Variants in RBPJ observed in about 807,000 individuals in gnomAD.
RBPJ encodes the protein recombining binding protein suppressor of hairless.
A neutral mutation model predicts 67.8 loss-of-function variants in RBPJ; 9 were observed. The observed-to-expected ratio is 0.13, with a 90% CI of 0.08 to 0.23. RBPJ has a LOEUF of 0.23. Ranked by LOEUF, RBPJ falls within the 10% of genes least tolerant of loss-of-function variation. RBPJ has a pLI of 1.00. For missense variants in RBPJ, 305 were observed against 595.6 expected (o/e 0.51, Z 5.08); for synonymous variants, 198 against 203.3 (o/e 0.97, Z 0.22).
At chr4:26,386,206 A>G (rs558605473) in intron 1 of RBPJ, 147 bp from the exon 2 acceptor site, 81 of 605,362 alleles carry the variant, frequency 1.3e-4, no homozygotes, top group African/African-American at 1.1e-3. Flanking sequence ...TGGGATACAG[A>G]TGCTTACCAG....
chr4:26,260,989 A>G (rs796923103), intron 1 of RBPJ, among the ~76,000 whole-genome samples: 4 of 152,350 alleles, frequency 2.6e-5, no homozygotes, highest in African/African-American at 9.6e-5. Context: ...AACATGACCA[A>G]TGTTATACTC....
chr4:26,339,698 G>A lies in RBPJ; in HGVS notation c.20+18650G>A, dbSNP rs1476813139. The stretch of plus-strand genomic sequence containing the variant: ...TGTGTAAAAGTAACACTCCAAATCA[G>A]TGAGAAAAAGAGCATTCAAAAAGTT... On this transcript the variant is annotated intron_variant, in intron 1 of 10. Transcript: ENST00000355476. 4.0e-5 allele frequency among the ~76,000 whole-genome samples: 6 copies of A among 151,562 alleles called. No homozygotes were observed. The East Asian group carries it at 1.2e-3, about 30-fold the overall frequency.
intron 1 of RBPJ, among the ~76,000 whole-genome samples, chr4:26,301,453 G>A (rs577509943): frequency 2.6e-5 from 4 of 151,976 alleles, no homozygotes; most frequent in East Asian, 3.9e-4. Flanking sequence ...TTAGCCGGGC[G>A]TGGTGGCGGG....
At chr4:26,198,261 CAAAAAAACAAAA>C (rs972460892) in intron 1 of RBPJ, among the ~76,000 whole-genome samples, 1 of 19,698 alleles carries the variant, frequency 5.1e-5, no homozygotes, top group Non-Finnish European at 9.1e-5. Context: ...TCTCAAAAAA[CAAAAAAACAAAA>C]AAACAAAAAA....
the RBPJ span, among the ~76,000 whole-genome samples, chr4:26,109,103 CTTTTT>C: frequency 1.9e-3 from 250 of 129,998 alleles, 2 homozygotes; most frequent in African/African-American, 3.9e-3. Flanking sequence ...TTGCCTTCCT[CTTTTT>C]TTTTTTTTTT....
intron 1 of RBPJ, among the ~76,000 whole-genome samples, chr4:26,262,872 C>A (rs769975766): frequency 2.6e-5 from 4 of 152,148 alleles, no homozygotes; most frequent in African/African-American, 4.8e-5. Flanking sequence ...GCTCTTCTTC[C>A]AGCCCTATAA....
chr4:26,288,052 T>A (rs1202897432), intron 1 of RBPJ, among the ~76,000 whole-genome samples: 1 of 152,214 alleles, frequency 6.6e-6, no homozygotes, highest in Non-Finnish European at 1.5e-5. Context: ...GGGAAGAGTA[T>A]AAAGTCTGAT....
chr4:26,260,753 T>G (rs1720498881), intron 1 of RBPJ, among the ~76,000 whole-genome samples: 1 of 152,168 alleles, frequency 6.6e-6, no homozygotes, highest in African/African-American at 2.4e-5. Flanking sequence ...CATCTCTGCC[T>G]AACCAGAAAA....
chr4:26,386,154 A>C (rs761898749), intron 1 of RBPJ, among the ~76,000 whole-genome samples, 199 bp from the exon 2 acceptor site: 83 of 152,142 alleles, frequency 5.5e-4, no homozygotes, highest in Non-Finnish European at 1.0e-3. Context: ...AGGCTTACTT[A>C]GGGCATGTTG....
chr4:26,173,534 T>C lies in RBPJ; in HGVS notation c.-167+9920T>C, dbSNP rs938838730. Among the ~76,000 whole-genome samples the C allele has an allele frequency of 2.6e-5, 4 of 152,162 alleles. No homozygotes were observed. In the South Asian group the frequency reaches 8.3e-4, roughly 31 times the overall value. The stretch of plus-strand genomic sequence containing the variant: ...TTTGGAGAAAGCTGAAAACCAACAC[T>C]GACCTATGTGAAATTTTATTTACGT... On this transcript the variant is annotated intron_variant, in intron 1 of 4. Coordinates refer to the RBPJ transcript ENST00000512351.
the RBPJ span, among the ~76,000 whole-genome samples, chr4:26,125,504 A>T: frequency 2.0e-5 from 3 of 152,266 alleles, no homozygotes; most frequent in East Asian, 5.8e-4. Flanking sequence ...CAGGGAGAAA[A>T]ATGGCCCTCT....
At chr4:26,125,864 A>T in the RBPJ span, among the ~76,000 whole-genome samples, 1 of 152,092 alleles carries the variant, frequency 6.6e-6, no homozygotes, top group East Asian at 1.9e-4. Flanking sequence ...GGATTATAGG[A>T]TGCCTGAGGA....
chr4:26,217,858 G>C (rs888514108), intron 1 of RBPJ, among the ~76,000 whole-genome samples: 3 of 152,160 alleles, frequency 2.0e-5, no homozygotes, highest in African/African-American at 2.4e-5. Context: ...CTGCGAAACA[G>C]GTCTTTAGAT....
At chr4:26,341,552 T>G (rs972473056) in intron 1 of RBPJ, among the ~76,000 whole-genome samples, 8 of 151,770 alleles carry the variant, frequency 5.3e-5, no homozygotes, top group Non-Finnish European at 1.0e-4. Flanking sequence ...AGGTGGAGGT[T>G]GCAGTGAGCC....
At chr4:26,203,000 AGGAAGGAAAAAAG>A (rs758773578) in intron 1 of RBPJ, among the ~76,000 whole-genome samples, 31 of 147,160 alleles carry the variant, frequency 2.1e-4, no homozygotes, top group Non-Finnish European at 2.9e-4. Context: ...GAAGGAAGGA[AGGAAGGAAAAAAG>A]AAAAGAAAAG....
At chr4:26,340,435 G>C (rs1725385805) in intron 1 of RBPJ, among the ~76,000 whole-genome samples, 1 of 152,230 alleles carries the variant, frequency 6.6e-6, no homozygotes, top group African/African-American at 2.4e-5. Flanking sequence ...TTTATTTTGA[G>C]ATGAGTAGCT....
chr4:26,153,749 A>G, the RBPJ span, among the ~76,000 whole-genome samples: 1 of 152,182 alleles, frequency 6.6e-6, no homozygotes, highest in Non-Finnish European at 1.5e-5. Flanking sequence ...GTTTTTCTGC[A>G]GTGTTAACAT....
chr4:26,178,245 C>G (rs899897512), intron 1 of RBPJ, among the ~76,000 whole-genome samples: 2 of 152,090 alleles, frequency 1.3e-5, no homozygotes, highest in Admixed American at 6.6e-5. Context: ...TTCCAGAGGC[C>G]CCAGCAACCG....
intron 2 of RBPJ, among the ~76,000 whole-genome samples, chr4:26,402,651 A>T (rs1732960037): frequency 6.6e-6 from 1 of 152,074 alleles, no homozygotes; most frequent in Non-Finnish European, 1.5e-5. Flanking sequence ...TTTCTGCAGC[A>T]CCTGAGGCTG....
Sources: allele counts gnomAD v4.1 joint callset (sites outside exome capture counted in the v4.1 genomes callset), GRCh38; gene constraint gnomAD v4.1.1; transcripts MANE v1.5; gene names NCBI Gene and HGNC (gene_info 2026-07-23, HGNC 2026-07-21).